Variants in DPP10 observed in about 807,000 individuals in gnomAD.
DPP10 encodes inactive dipeptidyl peptidase 10.
In DPP10, 33 loss-of-function variants were observed where a neutral mutation model predicts 120.9. The observed-to-expected ratio is 0.27, with a 90% CI of 0.21 to 0.37. The LOEUF (loss-of-function observed/expected upper bound fraction) is 0.37, where lower values mean the gene tolerates loss of function less well. Ranked by LOEUF, DPP10 falls within the 10% of genes least tolerant of loss-of-function variation. The pLI is 1.00. For synonymous variants in DPP10, 337 were observed against 326.1 expected (o/e 1.03, Z -0.36); for missense variants, 816 against 942.8 (o/e 0.87, Z 1.76).
At chr2:115,636,834 T>G (rs561917184) in intron 5 of DPP10, among the ~76,000 whole-genome samples, 41 of 152,238 alleles carry the variant, frequency 2.7e-4, no homozygotes, top group African/African-American at 9.6e-4. Flanking sequence ...GAGTCAGACT[T>G]CTGCTCACAT....
chr2:114,477,417 A>G (rs1680506748), intron 1 of DPP10, among the ~76,000 whole-genome samples: 1 of 152,088 alleles, frequency 6.6e-6, no homozygotes, highest in Non-Finnish European at 1.5e-5. Flanking sequence ...ACACACACAT[A>G]TATACACATA....
At chr2:115,740,862 C>G (rs1361405964) in intron 9 of DPP10, among the ~76,000 whole-genome samples, 1 of 152,102 alleles carries the variant, frequency 6.6e-6, no homozygotes, top group Non-Finnish European at 1.5e-5. Context: ...TGTAAAATTT[C>G]TCTTCTCATT....
intron 1 of DPP10, among the ~76,000 whole-genome samples, chr2:114,620,784 C>T (rs2105329197): frequency 6.6e-6 from 1 of 152,140 alleles, no homozygotes; most frequent in East Asian, 1.9e-4. Context: ...TTATAATGGA[C>T]TTTTCACTGC....
In DPP10 at chr2:115,274,539, A is replaced by G. The variant is rs369278412; in HGVS notation, c.61-34700A>G. Among the ~76,000 whole-genome samples the G allele has an allele frequency of 7.2e-5, 11 of 152,294 alleles. No homozygotes were observed. In the East Asian group the frequency reaches 1.2e-3, roughly 16 times the overall value. ...AGAATTGTATAGCGTGTCCCCTGCC[A>G]AAAGTTCTAATAAAAAATTTACACA... On this transcript the variant is annotated intron_variant, in intron 1 of 25. Transcript: ENST00000410059.
chr2:115,836,673 G>C lies in DPP10; in HGVS notation c.2110-1G>C. The C allele has an allele frequency of 6.2e-7, 1 of 1,612,178 alleles. No individual in the cohort carries two copies. Among genetic ancestry groups the C allele is most frequent in the Non-Finnish European group, 8.5e-7 (1 of 1,179,340 alleles). ...ACAGATATTTGTATTTTCCTTTATAGGCAGCCAGTGTGCTACATAATGTTC... is the reference window on the plus strand; with the variant it reads ...ACAGATATTTGTATTTTCCTTTATACGCAGCCAGTGTGCTACATAATGTTC... On this transcript the variant is annotated splice_acceptor_variant, in intron 23 of 25. Coordinates refer to ENST00000410059, the MANE Select transcript of DPP10 (RefSeq NM_020868.6). LOFTEE classifies it high-confidence loss of function.
chr2:115,339,121 A>G (rs1049396349), intron 2 of DPP10, among the ~76,000 whole-genome samples: 1 of 152,160 alleles, frequency 6.6e-6, no homozygotes, highest in Admixed American at 6.5e-5. Flanking sequence ...AAACACACCA[A>G]CGAAATAATT....
chr2:115,014,539 A>T (rs189955047), intron 1 of DPP10, among the ~76,000 whole-genome samples: 3 of 152,174 alleles, frequency 2.0e-5, no homozygotes, highest in Non-Finnish European at 4.4e-5. Flanking sequence ...CCCTTCAAAA[A>T]ACCAATGAAT....
chr2:115,304,435 A>G (rs566914519), intron 1 of DPP10, among the ~76,000 whole-genome samples: 2 of 152,190 alleles, frequency 1.3e-5, no homozygotes, highest in East Asian at 3.9e-4. Flanking sequence ...AAATACAGAT[A>G]TTTTTAAGAA....
At chr2:115,604,872 T>C (rs1258520735) in intron 5 of DPP10, among the ~76,000 whole-genome samples, 1 of 152,176 alleles carries the variant, frequency 6.6e-6, no homozygotes, top group African/African-American at 2.4e-5. Context: ...CAATTTCTTC[T>C]CTTGTACTTA....
At chr2:115,319,170 C>T (rs573812302) in intron 2 of DPP10, among the ~76,000 whole-genome samples, 115 of 151,896 alleles carry the variant, frequency 7.6e-4, no homozygotes, top group African/African-American at 2.7e-3. Flanking sequence ...ATTTGTTTTC[C>T]TCCCTTTTCT....
chr2:115,243,999 C>T (rs1313806410), intron 1 of DPP10, among the ~76,000 whole-genome samples: 2 of 150,760 alleles, frequency 1.3e-5, no homozygotes, highest in Non-Finnish European at 3.0e-5. Context: ...ATATATAGTC[C>T]TACTTTTTAG....
At chr2:115,643,193 C>A (rs188604229) in intron 5 of DPP10, among the ~76,000 whole-genome samples, 5 of 151,140 alleles carry the variant, frequency 3.3e-5, no homozygotes, top group Admixed American at 2.6e-4. Context: ...AAATTGATGA[C>A]CTTAGTGGGT....
At chr2:115,780,176 TTG>T (rs1682582243) in intron 15 of DPP10, among the ~76,000 whole-genome samples, 1 of 152,030 alleles carries the variant, frequency 6.6e-6, no homozygotes, top group Non-Finnish European at 1.5e-5. Flanking sequence ...AATAAACAAT[TTG>T]ATAAATGAAA....
chr2:115,207,830 G>C (rs748946857), intron 1 of DPP10, among the ~76,000 whole-genome samples: 28 of 152,016 alleles, frequency 1.8e-4, no homozygotes, highest in Non-Finnish European at 3.8e-4. Flanking sequence ...TTGTGTTCTT[G>C]GTGAAAGATC....
rs182038789 is a variant in DPP10 at position 114,481,282 on chromosome 2, A to T, written c.60+38444A>T. On this transcript the variant is annotated intron_variant, in intron 1 of 25. Coordinates refer to ENST00000410059, the MANE Select transcript of DPP10 (RefSeq NM_020868.6). ...GACATAAAGAAATATTTCACCCAGG[A>T]CTATATACAGATAACAAATAAATAA... 1.2e-3 allele frequency among the ~76,000 whole-genome samples: 178 copies of T among 152,190 alleles called. 1 individual carries two copies. Among genetic ancestry groups the T allele is most frequent in the African/African-American group, 4.2e-3 (174 of 41,540 alleles).
Position 115,585,711 on chromosome 2 carries a change from C to A in DPP10, c.441+59739C>A, listed in dbSNP as rs192084364. Among the ~76,000 whole-genome samples, 12 of 152,200 alleles carry A rather than the reference C, an allele frequency of 7.9e-5. No homozygotes were observed. In the East Asian group the frequency reaches 2.3e-3, roughly 29 times the overall value. On this transcript the variant is annotated intron_variant, in intron 5 of 25. Coordinates refer to ENST00000410059, the MANE Select transcript of DPP10 (RefSeq NM_020868.6). The stretch of plus-strand genomic sequence containing the variant: ...CCATTTTCTCCTCAAGCAGTAAGCC[C>A]TTTAATTCATTTTTAGTTTATATTT...
intron 5 of DPP10, among the ~76,000 whole-genome samples, chr2:115,686,791 A>G (rs1327706102): frequency 6.6e-6 from 1 of 152,036 alleles, no homozygotes; most frequent in Non-Finnish European, 1.5e-5. Flanking sequence ...TGCCTTTTCC[A>G]TAACTATTCA....
intron 1 of DPP10, among the ~76,000 whole-genome samples, chr2:114,521,804 G>GTTTT (rs758908081): frequency 3.1e-4 from 35 of 112,736 alleles, no homozygotes; most frequent in Non-Finnish European, 4.0e-4. Context: ...ATTATCCAAG[G>GTTTT]TTTTTTTTTT....
intron 24 of DPP10, among the ~76,000 whole-genome samples, chr2:115,840,318 G>GTTTTTTTTTTTTTT (rs1559227733): frequency 3.1e-5 from 1 of 31,860 alleles, no homozygotes; most frequent in African/African-American, 9.8e-5. Context: ...AAGGTTTTTT[G>GTTTTTTTTTTTTTT]GTTTTTTTTT....
Sources: allele counts gnomAD v4.1 joint callset (sites outside exome capture counted in the v4.1 genomes callset), GRCh38; gene constraint gnomAD v4.1.1; transcripts MANE v1.5; gene names NCBI Gene and HGNC (gene_info 2026-07-23, HGNC 2026-07-21).